Variants in CACNA1C observed in about 807,000 individuals in gnomAD.
CACNA1C encodes calcium voltage-gated channel subunit alpha1 C, also known as voltage-dependent L-type calcium channel subunit alpha-1C.
In CACNA1C, 30 loss-of-function variants were observed where a neutral mutation model predicts 229.0. The ratio of observed to expected loss-of-function variants is 0.13; its 90% confidence interval spans 0.10 to 0.18. The LOEUF is 0.18. Ranked by LOEUF, CACNA1C falls within the 10% of genes least tolerant of loss-of-function variation. The pLI, the probability that CACNA1C is intolerant of heterozygous loss-of-function variation, is 1.00. For missense variants in CACNA1C, 1,658 were observed against 2,845.0 expected, an observed-to-expected ratio of 0.58 and a Z score of 9.49; for synonymous variants, 1,114 against 1,132.5, an observed-to-expected ratio of 0.98 and a Z score of 0.33.
rs146792885 is a variant in CACNA1C at position 2,004,196 on chromosome 12, C to G, written c.139+32995C>G. The G allele has an allele frequency of 6.9e-4, 1,072 of 1,564,452 alleles. 2 individuals carry two copies. In the African/African-American group the frequency reaches 0.012, roughly 18 times the overall value. ...TCCAGGGCGTCAACGTCTCCTCCCC[C>G]TCACCGGGTCCTCAAGTCCTGAGTC... On this transcript the variant is annotated intron_variant, in intron 1 of 46. Transcript: ENST00000682462.
At chr12:2,421,247 A>T (rs377678699) in intron 3 of CACNA1C, among the ~76,000 whole-genome samples, 177 of 152,346 alleles carry the variant, frequency 1.2e-3, no homozygotes, top group African/African-American at 4.1e-3. Context: ...TTGCTAGGAT[A>T]ATCTGCCCAA....
rs920183552 is a variant in CACNA1C at position 2,348,442 on chromosome 12, C to A, written c.478-100534C>A. 6.6e-6 allele frequency among the ~76,000 whole-genome samples: 1 copy of A among 152,218 alleles called. No individual in the cohort carries two copies. Among genetic ancestry groups the A allele is most frequent in the Non-Finnish European group, 1.5e-5 (1 of 68,036 alleles). On this transcript the variant is annotated intron_variant, in intron 3 of 46. Transcript: ENST00000399655. The surrounding 1 kb of genome is among the most constrained non-coding windows in gnomAD (Gnocchi z 4.7). ...TGGAGGTGATTGGCATATGTAAGAA[C>A]CCCCTTTCCCGTTGGCGTGTATGGT...
At chr12:2,475,399 CTA>C (rs1262810383) in intron 5 of CACNA1C, among the ~76,000 whole-genome samples, 1 of 152,024 alleles carries the variant, frequency 6.6e-6, no homozygotes, top group Non-Finnish European at 1.5e-5. Context: ...CGGGGAGAAA[CTA>C]TAGACCATAG....
intron 3 of CACNA1C, among the ~76,000 whole-genome samples, chr12:2,323,364 A>T (rs2096117582): frequency 6.6e-6 from 1 of 152,170 alleles, no homozygotes; most frequent in Admixed American, 6.5e-5. Context: ...TCTAGCCTAG[A>T]TATGCTGGGG....
intron 31 of CACNA1C, among the ~76,000 whole-genome samples, chr12:2,650,707 C>T (rs2094865598): frequency 6.6e-6 from 1 of 152,186 alleles, no homozygotes; most frequent in Non-Finnish European, 1.5e-5. Flanking sequence ...CCCAAGCCCC[C>T]AGGCTCCCCC....
At chr12:2,490,363 G>C (rs578204661) in intron 6 of CACNA1C, among the ~76,000 whole-genome samples, 1 of 152,340 alleles carries the variant, frequency 6.6e-6, no homozygotes, top group South Asian at 2.1e-4. Context: ...AGGGAATGCT[G>C]TCAGATGAGT....
At chr12:2,316,890 AGACTTG>A (rs1303312819) in intron 3 of CACNA1C, among the ~76,000 whole-genome samples, 2 of 152,226 alleles carry the variant, frequency 1.3e-5, no homozygotes, top group Non-Finnish European at 2.9e-5. Flanking sequence ...ACTGCTGGTG[AGACTTG>A]GACTGAATGA....
At chr12:2,224,879 C>T (rs185421074) in intron 3 of CACNA1C, among the ~76,000 whole-genome samples, 17 of 152,230 alleles carry the variant, frequency 1.1e-4, no homozygotes, top group Admixed American at 2.6e-4. Flanking sequence ...TTGAAAGAGA[C>T]GGTTATGTAC....
intron 3 of CACNA1C, among the ~76,000 whole-genome samples, chr12:2,345,515 G>C (rs990268778): frequency 2.6e-5 from 4 of 152,178 alleles, no homozygotes; most frequent in African/African-American, 9.7e-5. Context: ...AAATAACCCG[G>C]AAGTTAGATT....
intron 30 of CACNA1C, among the ~76,000 whole-genome samples, chr12:2,636,103 G>A: frequency 6.6e-6 from 1 of 152,226 alleles, no homozygotes; most frequent in Middle Eastern, 3.2e-3. Flanking sequence ...GGGAGACACT[G>A]CAGGGAGAGA....
chr12:2,187,677 AC>A (rs1394813669), intron 3 of CACNA1C, among the ~76,000 whole-genome samples: 1 of 152,204 alleles, frequency 6.6e-6, no homozygotes, highest in Non-Finnish European at 1.5e-5. Flanking sequence ...TGCGGTGAGA[AC>A]CGGAGTAGCC....
intron 1 of CACNA1C, among the ~76,000 whole-genome samples, chr12:2,103,788 C>T (rs1163927877): frequency 1.6e-4 from 24 of 152,214 alleles, no homozygotes; most frequent in South Asian, 4.2e-4. Flanking sequence ...TTCAGCTTTC[C>T]GCATATGGCT....
At position 2,053,679 on chromosome 12, in the gene CACNA1C, G is replaced by C. The variant is rs1416973218; in HGVS notation, c.49+68G>C. The C allele has an allele frequency of 1.4e-6, 2 of 1,410,138 alleles. No homozygotes were observed. The highest frequency in any genetic ancestry group is 3.0e-5 in the African/African-American group (2 of 65,616). The allele number at this position is 1,410,138 out of a possible 1,614,324, so 87.4% of individuals were successfully genotyped here. On this transcript the variant is annotated intron_variant, in intron 1 of 46. Transcript: ENST00000399655. The surrounding 1 kb of genome is among the most constrained non-coding windows in gnomAD (Gnocchi z 5.8). ...TCCACCGGGTTCCTGCCCTACCCGC[G>C]CTCCCCGCGGCCCCGGGGCCGGTCC...
chr12:2,149,527 T>TGC (rs1412159977), intron 3 of CACNA1C, among the ~76,000 whole-genome samples: 2 of 152,242 alleles, frequency 1.3e-5, no homozygotes. Context: ...GCTTTAGGAA[T>TGC]GCTCATAGCA....
intron 3 of CACNA1C, among the ~76,000 whole-genome samples, chr12:2,157,067 TG>T (rs1446190674): frequency 1.3e-5 from 2 of 152,228 alleles, no homozygotes; most frequent in African/African-American, 4.8e-5. Flanking sequence ...CAGGTATTTT[TG>T]GAAGTGACGG....
chr12:2,602,171 T>C lies in CACNA1C; in HGVS notation c.2960+211T>C, dbSNP rs971438327. Among the ~76,000 whole-genome samples the C allele has an allele frequency of 6.6e-5, 10 of 152,190 alleles. No homozygotes were observed. Among genetic ancestry groups the C allele is most frequent in the African/African-American group, 2.2e-4 (9 of 41,442 alleles). On this transcript the variant is annotated intron_variant, in intron 22 of 46. Transcript: ENST00000399655. The surrounding 1 kb of genome is among the most constrained non-coding windows in gnomAD (Gnocchi z 4.4). ...GGGGCACGTTGATCAGGTGAGAATA[T>C]GTTTAATTATCTGGGTTTTGCCATG...
intron 1 of CACNA1C, among the ~76,000 whole-genome samples, chr12:1,980,740 T>C (rs1042153548): frequency 3.4e-5 from 5 of 148,438 alleles, no homozygotes; most frequent in African/African-American, 1.2e-4. Flanking sequence ...AAAAAAGTTC[T>C]TATTTCATTT....
chr12:2,516,508 G>A (rs957236442), intron 9 of CACNA1C, among the ~76,000 whole-genome samples: 12 of 152,188 alleles, frequency 7.9e-5, no homozygotes, highest in Admixed American at 5.9e-4. Context: ...CAGGGGTCCC[G>A]TCAGGTGCCT....
intron 9 of CACNA1C, chr12:2,547,545 G>C: frequency 1.3e-6 from 1 of 779,346 alleles, no homozygotes; most frequent in Non-Finnish European, 2.4e-6. Flanking sequence ...CCTGTGCTCT[G>C]TGTGTGTAAA....
Sources: gnomAD v4.1 joint callset for allele counts (sites outside exome capture counted in the v4.1 genomes callset) on GRCh38, gnomAD v4.1.1 for gene constraint, Gnocchi (gnomAD v3.1) non-coding constraint, MANE v1.5 for transcripts, NCBI Gene and HGNC (gene_info 2026-07-23, HGNC 2026-07-21) for gene names.